MYOM2: variants seen among roughly 807,000 people sequenced by gnomAD.
The protein encoded by MYOM2 is myomesin 2, also known as myomesin-2.
Under a neutral mutation model 187.6 loss-of-function variants are expected in MYOM2, and 254 were observed. The ratio of observed to expected loss-of-function variants is 1.35; its 90% CI spans 1.22 to 1.50. The LOEUF (loss-of-function observed/expected upper bound fraction) is 1.50. MYOM2 is among the 40% of genes most tolerant of loss of function. The probability of loss-of-function intolerance (pLI) is 0.00; values close to 1 mark genes in which losing one functional copy is unlikely to be tolerated. For synonymous variants in MYOM2, 981 were observed against 753.8 expected, an observed-to-expected ratio of 1.30 and a Z score of -4.94; for missense variants, 2,796 against 1,924.0, an observed-to-expected ratio of 1.45 and a Z score of -8.48.
intron 14 of MYOM2, 83 bp downstream of exon 14, chr8:2,085,473 CGTGATCTCCGCGTGGCCCCT>C: frequency 6.8e-7 from 1 of 1,478,522 alleles, no homozygotes; most frequent in Non-Finnish European, 9.1e-7. Flanking sequence ...CCACCGCTGT[CGTGATCTCCGCGTGGCCCCT>C]CACTGTTGTG....
chr8:2,138,985 C>T (rs1324531008), intron 32 of MYOM2, among the ~76,000 whole-genome samples: 2 of 142,268 alleles, frequency 1.4e-5, no homozygotes, highest in East Asian at 2.1e-4. Context: ...ACCAGAGACC[C>T]GACACACACT....
intron 28 of MYOM2, among the ~76,000 whole-genome samples, chr8:2,118,500 T>C (rs1797320775): frequency 6.6e-6 from 1 of 152,160 alleles, no homozygotes; most frequent in African/African-American, 2.4e-5. Context: ...CCCAAACTAG[T>C]TTCTTATTGT....
chr8:2,088,769 G>A (rs993734555), intron 14 of MYOM2, among the ~76,000 whole-genome samples: 16 of 152,198 alleles, frequency 1.1e-4, no homozygotes, highest in African/African-American at 3.9e-4. Flanking sequence ...TTTCCTTTGG[G>A]CATATACCCA....
intron 3 of MYOM2, 82 bp downstream of exon 3, chr8:2,052,395 G>C: frequency 7.1e-7 from 1 of 1,401,582 alleles, no homozygotes; most frequent in Non-Finnish European, 9.4e-7. Flanking sequence ...AGGGAAGAGC[G>C]ACCTTAGCTG....
chr8:2,051,876 C>T (rs1024317356), intron 2 of MYOM2, among the ~76,000 whole-genome samples: 4 of 152,124 alleles, frequency 2.6e-5, no homozygotes, highest in Admixed American at 6.5e-5. Flanking sequence ...TGTGTGTATG[C>T]ATGTGCATGT....
chr8:2,095,395 G>A (rs1409101235), intron 17 of MYOM2, among the ~76,000 whole-genome samples: 1 of 151,120 alleles, frequency 6.6e-6, no homozygotes, highest in African/African-American at 2.4e-5. Context: ...GGGCTCAAGT[G>A]ATCCTCATGC....
chr8:2,104,165 T>C (rs1357241829), intron 21 of MYOM2, among the ~76,000 whole-genome samples: 1 of 152,134 alleles, frequency 6.6e-6, no homozygotes, highest in Non-Finnish European at 1.5e-5. Flanking sequence ...CTGTTGGTAA[T>C]TTTCTTGATT....
At chr8:2,098,617 T>G (rs1302891708) in intron 18 of MYOM2, among the ~76,000 whole-genome samples, 2 of 152,026 alleles carry the variant, frequency 1.3e-5, no homozygotes, top group African/African-American at 2.4e-5. Context: ...TGGGATTGAG[T>G]GAAGGACTCA....
intron 13 of MYOM2, among the ~76,000 whole-genome samples, chr8:2,083,131 T>C (rs1819686921): frequency 6.6e-6 from 1 of 152,228 alleles, no homozygotes; most frequent in South Asian, 2.1e-4. Flanking sequence ...CAATCATATA[T>C]ATTATATATT....
At chr8:2,103,714 A>G (rs1173156230) in intron 21 of MYOM2, among the ~76,000 whole-genome samples, 2 of 121,852 alleles carry the variant, frequency 1.6e-5, no homozygotes, top group African/African-American at 6.5e-5. Context: ...TGCATGTATT[A>G]GTGTATATGT....
At chr8:2,093,899 A>G in intron 16 of MYOM2, 71 bp from the exon 17 acceptor site, 1 of 1,575,370 alleles carries the variant, frequency 6.3e-7, no homozygotes, top group Non-Finnish European at 8.6e-7. Context: ...GTTCAGGGTG[A>G]TTTTTGCTTC....
In MYOM2 at chr8:2,123,300, G is replaced by A. The variant is rs769261730; in HGVS notation, c.3502G>A (p.Val1168Ile). The A allele has an allele frequency of 2.5e-6, 4 of 1,614,012 alleles. No homozygotes were observed. The highest frequency in any genetic ancestry group is 1.7e-5 in the Admixed American group (1 of 59,996). Residue 1168 changes from valine (V) to isoleucine (I), a missense_variant, in exon 29 of 37, where the codon GTT becomes ATT. Transcript: ENST00000262113. Reference sequence around the variant, plus strand: ...CGTTTTCAAATGGCTCAAGGATGATGTTCTGTATGAAACGGAGACACTGCC... The same window carrying A: ...CGTTTTCAAATGGCTCAAGGATGATATTCTGTATGAAACGGAGACACTGCC... The part of the protein sequence containing the change: ...ETVFKWLKDD[V>I]LYETETLPNL...
At chr8:2,064,475 C>T (rs1000181852) in intron 6 of MYOM2, among the ~76,000 whole-genome samples, 19 of 152,194 alleles carry the variant, frequency 1.2e-4, no homozygotes, top group Non-Finnish European at 1.3e-4. Flanking sequence ...ATCTTTGCTC[C>T]GGTGACGGGT....
intron 32 of MYOM2, among the ~76,000 whole-genome samples, chr8:2,138,475 G>T (rs3779818): frequency 0.11 from 16,348 of 152,234 alleles, 1,063 homozygotes; most frequent in East Asian, 0.2. Context: ...TGCCTGGTCC[G>T]ATTCTCCCGC....
chr8:2,078,837 C>A lies in MYOM2; in HGVS notation c.1366C>A (p.Arg456=), dbSNP rs143448287. 1.2e-6 allele frequency: 2 copies of A among 1,613,966 alleles called. No homozygotes were observed. Among genetic ancestry groups the A allele is most frequent in the Non-Finnish European group, 1.7e-6 (2 of 1,180,004 alleles). Residue 456 remains arginine (R), a synonymous_variant, in exon 12 of 37, where the codon CGA becomes AGA. Coordinates refer to ENST00000262113, the MANE Select transcript of MYOM2 (RefSeq NM_003970.4). ...GLFEGRSYIF[R]VRAVNSAGIS... ...TTTTGAAGGAAGGTCTTACATATTC[C>A]GAGTGAGGGCAGTGAACAGTGCGGG...
chr8:2,106,457 T>C, intron 22 of MYOM2, 34 bp from the exon 23 acceptor site: 1 of 1,610,298 alleles, frequency 6.2e-7, no homozygotes, highest in Non-Finnish European at 8.5e-7. Context: ...CAAACAGAAA[T>C]GATCGACATT....
chr8:2,066,909 G>C (rs145721487), intron 6 of MYOM2, among the ~76,000 whole-genome samples: 1 of 152,348 alleles, frequency 6.6e-6, no homozygotes, highest in African/African-American at 2.4e-5. Flanking sequence ...TTGTAGCTTT[G>C]CTGATGGCTT....
chr8:2,057,538 A>C (rs1787233025), intron 4 of MYOM2, 52 bp downstream of exon 4: 2 of 1,613,152 alleles, frequency 1.2e-6, no homozygotes, highest in Admixed American at 3.3e-5. Context: ...ACTAGATCTT[A>C]GCTTGTCTGC....
intron 11 of MYOM2, among the ~76,000 whole-genome samples, chr8:2,078,509 T>C (rs1819510454): frequency 1.3e-5 from 2 of 152,106 alleles, no homozygotes; most frequent in African/African-American, 4.8e-5. Flanking sequence ...TGGGCATATA[T>C]TACATATATA....
Sources: gnomAD v4.1 joint callset for allele counts (sites outside exome capture counted in the v4.1 genomes callset) on GRCh38, gnomAD v4.1.1 for gene constraint, MANE v1.5 for transcripts, NCBI Gene and HGNC (gene_info 2026-07-23, HGNC 2026-07-21) for gene names.